CLOCK: variants seen among roughly 807,000 people sequenced by gnomAD.
CLOCK encodes the protein circadian locomoter output cycles protein kaput.
Under a neutral mutation model 118.4 loss-of-function variants are expected in CLOCK, and 43 were observed. That is an observed-to-expected ratio of 0.36 (90% CI 0.28 to 0.47). The LOEUF is 0.47. Ranked by LOEUF, CLOCK falls within the 20% of genes least tolerant of loss-of-function variation. The pLI is 1.00. For synonymous variants in CLOCK, 326 were observed against 339.2 expected (o/e 0.96, Z 0.43); for missense variants, 846 against 999.9 (o/e 0.85, Z 2.08).
chr4:55,459,934 G>A (rs1725210783), intron 9 of CLOCK, among the ~76,000 whole-genome samples: 2 of 152,248 alleles, frequency 1.3e-5, no homozygotes, highest in Middle Eastern at 3.4e-3. Context: ...GATTATAGGC[G>A]AGAGCCACTG....
At chr4:55,453,012 G>A (rs1327325196) in intron 15 of CLOCK, 42 bp downstream of exon 15, 1 of 1,344,802 alleles carries the variant, frequency 7.4e-7, no homozygotes, top group Non-Finnish European at 1.0e-6. Flanking sequence ...CTTTTATTGG[G>A]GAGAAATTAA....
At chr4:55,468,615 ATAAG>A (rs1725899312) in intron 8 of CLOCK, among the ~76,000 whole-genome samples, 1 of 151,618 alleles carries the variant, frequency 6.6e-6, no homozygotes, top group Non-Finnish European at 1.5e-5. Flanking sequence ...AGTGTTTTTT[ATAAG>A]TAATTCTATT....
chr4:55,487,313 A>G (rs115006466), intron 3 of CLOCK, among the ~76,000 whole-genome samples: 5,129 of 152,190 alleles, frequency 0.034, 104 homozygotes, highest in Non-Finnish European at 0.054. Flanking sequence ...ATTTAAGGGT[A>G]AGCGCTAAAA....
intron 1 of CLOCK, among the ~76,000 whole-genome samples, chr4:55,514,887 G>A (rs1380688911): frequency 6.6e-6 from 1 of 152,106 alleles, no homozygotes; most frequent in East Asian, 1.9e-4. Flanking sequence ...GAGTAATACT[G>A]GCCTCACAGA....
chr4:55,437,724 G>C (rs1429905196), intron 22 of CLOCK, among the ~76,000 whole-genome samples: 3 of 152,186 alleles, frequency 2.0e-5, no homozygotes, highest in Admixed American at 2.0e-4. Flanking sequence ...GCAGTACGTG[G>C]TGCAGCAGTG....
rs199515824 is a variant in CLOCK, at chr4:55,478,810, T to A, written c.256+5A>T. Reference sequence around the variant, plus strand: ...CTGTTCCATTTTACAGAGTTAAAAATTTACCTTTATGTTTTCGTAAAAAAT... The same window carrying A: ...CTGTTCCATTTTACAGAGTTAAAAAATTACCTTTATGTTTTCGTAAAAAAT... On this transcript the variant is annotated splice_donor_5th_base_variant and intron_variant, in intron 6 of 22. Transcript: ENST00000513440. The A allele has an allele frequency of 2.5e-3, 4,041 of 1,611,900 alleles. 9 individuals carry two copies. Among genetic ancestry groups the A allele is most frequent in the Non-Finnish European group, 3.2e-3 (3,752 of 1,178,886 alleles).
chr4:55,452,812 G>A (rs1724583917), intron 15 of CLOCK: 1 of 382,764 alleles, frequency 2.6e-6, no homozygotes, highest in Admixed American at 4.0e-5. Context: ...CCAGAGACTA[G>A]TACATCACTG....
chr4:55,469,129 A>ATT (rs35057645), intron 8 of CLOCK, among the ~76,000 whole-genome samples: 1 of 147,438 alleles, frequency 6.8e-6, no homozygotes, highest in African/African-American at 2.5e-5. Context: ...CTCTATTTAC[A>ATT]TTTTTTTTTT....
chr4:55,444,894 T>C, intron 18 of CLOCK, 109 bp from the exon 19 acceptor site: 1 of 1,101,236 alleles, frequency 9.1e-7, no homozygotes, highest in South Asian at 1.3e-5. Context: ...GATGATAACA[T>C]CCTTCACTAG....
At position 55,463,890 on chromosome 4, in the gene CLOCK, A is replaced by G. The variant is rs41279541; in HGVS notation, c.439-85T>C. 5.1e-3 allele frequency: 6,697 copies of G among 1,316,188 alleles called. 18 individuals carry two copies. Among genetic ancestry groups the G allele is most frequent in the Non-Finnish European group, 6.4e-3 (6,155 of 958,642 alleles). 81.5% of individuals were successfully genotyped at this position (1,316,188 alleles called of 1,614,324 possible). ...AAAGTACATAATCGCTATTAAACAC[A>G]GCAGTTAACTTTCAATTATCTGTGA... On this transcript the variant is annotated intron_variant, in intron 8 of 22. Transcript: ENST00000513440.
chr4:55,455,770 A>T, intron 13 of CLOCK, 127 bp downstream of exon 13: 1 of 748,234 alleles, frequency 1.3e-6, no homozygotes, highest in Middle Eastern at 2.5e-4. Context: ...ACATAAAGCA[A>T]AATCTTTTAG....
chr4:55,462,798 G>A (rs543107412), intron 9 of CLOCK, among the ~76,000 whole-genome samples: 3 of 151,844 alleles, frequency 2.0e-5, no homozygotes, highest in South Asian at 2.1e-4. Context: ...CTCAACTCTC[G>A]CTGAAAGGCC....
At chr4:55,500,358 T>C (rs1158880043) in intron 2 of CLOCK, among the ~76,000 whole-genome samples, 1 of 152,082 alleles carries the variant, frequency 6.6e-6, no homozygotes, top group African/African-American at 2.4e-5. Flanking sequence ...GAGTGGTGTG[T>C]TTTGAGATAG....
At chr4:55,475,265 C>G (rs1363255593) in intron 7 of CLOCK, among the ~76,000 whole-genome samples, 2 of 152,148 alleles carry the variant, frequency 1.3e-5, no homozygotes, top group African/African-American at 4.8e-5. Flanking sequence ...AAAGTGGAGT[C>G]TGAAGATGTG....
At chr4:55,456,380 T>C in intron 11 of CLOCK, 80 bp from the exon 12 acceptor site, 1 of 1,007,346 alleles carries the variant, frequency 9.9e-7, no homozygotes, top group East Asian at 2.8e-5. Context: ...AAATAAGTCA[T>C]GGCCAGGTGC....
intron 16 of CLOCK, 133 bp from the exon 17 acceptor site, chr4:55,449,629 T>A (rs1724245725): frequency 2.7e-6 from 2 of 742,194 alleles, no homozygotes; most frequent in South Asian, 1.6e-5. Context: ...GAAAGTGAAG[T>A]CCATGACAGA....
At chr4:55,517,905 G>GT (rs576751171) in intron 1 of CLOCK, among the ~76,000 whole-genome samples, 235 of 152,050 alleles carry the variant, frequency 1.5e-3, no homozygotes, top group African/African-American at 5.3e-3. Flanking sequence ...AATTACAAAT[G>GT]TTTTTACCCT....
intron 1 of CLOCK, among the ~76,000 whole-genome samples, chr4:55,521,756 T>C (rs1336824639): frequency 2.0e-5 from 3 of 152,214 alleles, no homozygotes; most frequent in Non-Finnish European, 4.4e-5. Context: ...AATACATCTA[T>C]GGATGCTATG....
intron 1 of CLOCK, among the ~76,000 whole-genome samples, chr4:55,537,231 C>T (rs1730962720): frequency 6.6e-6 from 1 of 152,114 alleles, no homozygotes; most frequent in African/African-American, 2.4e-5. Context: ...ATCTGTATCC[C>T]AGCACTCCAG....
Sources: gnomAD v4.1 joint callset for allele counts (sites outside exome capture counted in the v4.1 genomes callset) on GRCh38, gnomAD v4.1.1 for gene constraint, MANE v1.5 for transcripts, NCBI Gene and HGNC (gene_info 2026-07-23, HGNC 2026-07-21) for gene names.